Variants in DIAPH2 observed in about 807,000 individuals in gnomAD.
DIAPH2 encodes protein diaphanous homolog 2.
DIAPH2 carries 35 observed loss-of-function variants against 92.7 expected under a neutral mutation model. That is an observed-to-expected ratio of 0.38 (90% CI 0.29 to 0.50). DIAPH2 has a LOEUF of 0.50. DIAPH2 is among the 20% of genes least tolerant of loss of function. The pLI is 0.94. For synonymous variants in DIAPH2, 301 were observed against 280.4 expected (o/e 1.07, Z -0.73); for missense variants, 701 against 819.5 (o/e 0.86, Z 1.77).
At chrX:97,056,586 T>G (rs1336907058) in intron 17 of DIAPH2, among the ~76,000 whole-genome samples, 1 of 112,038 alleles carries the variant, frequency 8.9e-6, no homozygotes. Flanking sequence ...TCATTTCTGT[T>G]CTTTTTGTTA....
intron 26 of DIAPH2, among the ~76,000 whole-genome samples, chrX:97,552,003 A>G (rs1462110298): frequency 4.5e-5 from 5 of 111,669 alleles, no homozygotes; most frequent in Admixed American, 9.5e-5. Context: ...AAGAGCATAG[A>G]CTTAGATCAG....
intron 17 of DIAPH2, among the ~76,000 whole-genome samples, chrX:96,993,319 A>G (rs1187014598): frequency 8.9e-6 from 1 of 112,183 alleles, no homozygotes; most frequent in Non-Finnish European, 1.9e-5. Flanking sequence ...CTTATTTTCA[A>G]AAGAGAGGAT....
At chrX:97,445,826 G>GA (rs2070304965) in intron 26 of DIAPH2, among the ~76,000 whole-genome samples, 2 of 109,997 alleles carry the variant, frequency 1.8e-5, no homozygotes, top group South Asian at 4.0e-4. Flanking sequence ...AAACTGGGGG[G>GA]AAAAATCAGG....
intron 17 of DIAPH2, among the ~76,000 whole-genome samples, chrX:97,010,579 G>A (rs767713526): frequency 1.8e-5 from 2 of 111,708 alleles, no homozygotes; most frequent in South Asian, 3.7e-4. Flanking sequence ...TGTAATTCCT[G>A]TTTCAGTTTA....
At chrX:96,740,533 G>A (rs1397752830) in intron 3 of DIAPH2, among the ~76,000 whole-genome samples, 1 of 112,256 alleles carries the variant, frequency 8.9e-6, no homozygotes. Flanking sequence ...GCTGTATTCA[G>A]TTTTTCTACA....
intron 26 of DIAPH2, among the ~76,000 whole-genome samples, chrX:97,468,881 A>G (rs1039083650): frequency 4.5e-5 from 5 of 111,862 alleles, no homozygotes; most frequent in African/African-American, 1.3e-4. Flanking sequence ...CCATAGTAGG[A>G]TGACCAAGAT....
At chrX:96,772,226 G>A (rs917193343) in intron 4 of DIAPH2, among the ~76,000 whole-genome samples, 1 of 111,931 alleles carries the variant, frequency 8.9e-6, no homozygotes, top group Non-Finnish European at 1.9e-5. Flanking sequence ...AAAGAAAAAG[G>A]CCGCCTTAGA....
At chrX:96,950,541 C>T (rs2065767790) in intron 15 of DIAPH2, among the ~76,000 whole-genome samples, 1 of 111,546 alleles carries the variant, frequency 9.0e-6, no homozygotes, top group Non-Finnish European at 1.9e-5. Flanking sequence ...TCTTCAACTC[C>T]ACTCATACTA....
intron 22 of DIAPH2, among the ~76,000 whole-genome samples, chrX:97,143,295 A>G (rs1382434105): frequency 9.0e-6 from 1 of 110,997 alleles, no homozygotes; most frequent in African/African-American, 3.3e-5. Context: ...AAATGTATAT[A>G]TATATATAGC....
At chrX:97,008,740 CAG>C (rs1393010332) in intron 17 of DIAPH2, among the ~76,000 whole-genome samples, 2 of 111,530 alleles carry the variant, frequency 1.8e-5, no homozygotes, top group African/African-American at 6.5e-5. Context: ...TATTGTCAGG[CAG>C]AGACTCTTGT....
intron 26 of DIAPH2, among the ~76,000 whole-genome samples, chrX:97,434,991 T>C (rs947084815): frequency 1.8e-5 from 2 of 110,822 alleles, no homozygotes; most frequent in Non-Finnish European, 3.8e-5. Flanking sequence ...TAAAAGAAGA[T>C]AGACAAGGAG....
At chrX:96,885,633 A>T in intron 5 of DIAPH2, among the ~76,000 whole-genome samples, 1 of 111,025 alleles carries the variant, frequency 9.0e-6, no homozygotes, top group Non-Finnish European at 1.9e-5. Flanking sequence ...TCAAACATTT[A>T]TGTGTGATTT....
At chrX:97,529,593 T>C (rs1050119857) in intron 26 of DIAPH2, among the ~76,000 whole-genome samples, 37 of 111,840 alleles carry the variant, frequency 3.3e-4, no homozygotes, top group African/African-American at 1.2e-3. Context: ...TAATGAATTA[T>C]GTTAAGTGCT....
intron 26 of DIAPH2, among the ~76,000 whole-genome samples, chrX:97,584,489 T>G (rs1259011291): frequency 1.8e-5 from 2 of 112,569 alleles, no homozygotes; most frequent in Non-Finnish European, 3.8e-5. Context: ...ATTCTAGATT[T>G]AATAGTAGAG....
At chrX:97,569,829 G>A (rs950204254) in intron 26 of DIAPH2, among the ~76,000 whole-genome samples, 4 of 106,712 alleles carry the variant, frequency 3.7e-5, no homozygotes, top group African/African-American at 1.4e-4. Flanking sequence ...ATGAATGATA[G>A]AATAATTATG....
intron 4 of DIAPH2, among the ~76,000 whole-genome samples, chrX:96,844,601 TAC>T (rs1460676615): frequency 1.8e-5 from 2 of 112,583 alleles, no homozygotes; most frequent in Non-Finnish European, 3.8e-5. Flanking sequence ...CATTGATTTA[TAC>T]ACAGATTCTG....
intron 22 of DIAPH2, among the ~76,000 whole-genome samples, chrX:97,219,758 C>G (rs998070444): frequency 1.8e-5 from 2 of 111,796 alleles, no homozygotes; most frequent in Admixed American, 9.5e-5. Flanking sequence ...TATGCTTACC[C>G]ATAGTTGTAG....
chrX:97,478,000 A>T (rs1054173410), intron 26 of DIAPH2, among the ~76,000 whole-genome samples: 1 of 111,654 alleles, frequency 9.0e-6, no homozygotes, highest in East Asian at 2.8e-4. Context: ...CAGCTGTATC[A>T]TAAATGACAA....
chrX:96,704,560 C>G (rs1448125919), intron 1 of DIAPH2, among the ~76,000 whole-genome samples: 1 of 111,767 alleles, frequency 8.9e-6, no homozygotes, highest in Non-Finnish European at 1.9e-5. Flanking sequence ...CTTACTTGCC[C>G]TACCATATGA....
Sources: allele counts gnomAD v4.1 joint callset (sites outside exome capture counted in the v4.1 genomes callset), GRCh38; gene constraint gnomAD v4.1.1; transcripts MANE v1.5; gene names NCBI Gene and HGNC (gene_info 2026-07-23, HGNC 2026-07-21).